SGMS1: variants seen among roughly 807,000 people sequenced by gnomAD.
SGMS1 encodes the protein phosphatidylcholine:ceramide cholinephosphotransferase 1.
A neutral mutation model predicts 46.2 loss-of-function variants in SGMS1; 13 were observed. The ratio of observed to expected loss-of-function variants is 0.28; its 90% CI spans 0.18 to 0.45. The LOEUF (loss-of-function observed/expected upper bound fraction) is 0.45. SGMS1 is among the 20% of genes least tolerant of loss of function. The probability of loss-of-function intolerance (pLI) is 1.00; values close to 1 mark genes in which losing one functional copy is unlikely to be tolerated. For synonymous variants in SGMS1, 203 were observed against 187.8 expected, an observed-to-expected ratio of 1.08 and a Z score of -0.66; for missense variants, 324 against 519.9, an observed-to-expected ratio of 0.62 and a Z score of 3.66.
At chr10:50,359,768 G>C (rs1848218097) in intron 6 of SGMS1, among the ~76,000 whole-genome samples, 1 of 151,610 alleles carries the variant, frequency 6.6e-6, no homozygotes, top group Non-Finnish European at 1.5e-5. Context: ...CCAAGCCTCT[G>C]CCACAGACTG....
intron 2 of SGMS1, among the ~76,000 whole-genome samples, chr10:50,552,331 C>T (rs1420079910): frequency 6.6e-6 from 1 of 152,236 alleles, no homozygotes; most frequent in African/African-American, 2.4e-5. Flanking sequence ...AGTAACTCAA[C>T]TCATGCTTCC....
At chr10:50,569,936 G>A (rs1838322825) in intron 2 of SGMS1, among the ~76,000 whole-genome samples, 1 of 152,110 alleles carries the variant, frequency 6.6e-6, no homozygotes, top group Admixed American at 6.6e-5. Flanking sequence ...CACCTAGCAG[G>A]CCACGGTGAC....
In SGMS1 at chr10:50,407,026, G is replaced by A. The variant is rs1228063043; in HGVS notation, c.-232+26450C>T. On this transcript the variant is annotated intron_variant, in intron 6 of 10. Transcript: ENST00000361781. Reference sequence around the variant, plus strand: ...GAACTACCTCACCTGGCCCTAATAAGTCTTAATATTAAACTTTCCTTGTTT... The same window carrying A: ...GAACTACCTCACCTGGCCCTAATAAATCTTAATATTAAACTTTCCTTGTTT... Among the ~76,000 whole-genome samples the A allele has an allele frequency of 2.6e-5, 4 of 152,232 alleles. No individual in the cohort carries two copies. The East Asian group carries it at 7.7e-4, about 29-fold the overall frequency.
At chr10:50,425,647 C>T (rs1054866316) in intron 6 of SGMS1, among the ~76,000 whole-genome samples, 7 of 152,120 alleles carry the variant, frequency 4.6e-5, no homozygotes, top group Non-Finnish European at 7.4e-5. Context: ...GTACTATGCT[C>T]GCTACCTGGA....
chr10:50,471,136 T>C (rs1230136709), intron 3 of SGMS1, among the ~76,000 whole-genome samples: 1 of 152,098 alleles, frequency 6.6e-6, no homozygotes, highest in Non-Finnish European at 1.5e-5. Flanking sequence ...AAAGCAAAAC[T>C]GGTAAAAGAC....
Position 50,307,407 on chromosome 10 carries a change from C to T in SGMS1, c.1063-86G>A. On this transcript the variant is annotated intron_variant, in intron 10 of 10. Coordinates refer to ENST00000361781, the MANE Select transcript of SGMS1 (RefSeq NM_147156.4). This position sits in a 1 kb window ranked among gnomAD's most constrained non-coding sequence, Gnocchi z 4.2. ...TTGCCACGCTAAAATTCCCAAAGGA[C>T]TCCATACCTGCCCTGCGTGTCCACC... 8.3e-7 allele frequency: 1 copy of T among 1,208,698 alleles called. No homozygotes were observed. Among genetic ancestry groups the T allele is most frequent in the East Asian group, 2.4e-5 (1 of 40,896 alleles). 74.9% of individuals were successfully genotyped at this position (1,208,698 alleles called of 1,614,324 possible).
chr10:50,596,583 C>T (rs1414082599), intron 1 of SGMS1, among the ~76,000 whole-genome samples: 1 of 152,138 alleles, frequency 6.6e-6, no homozygotes, highest in East Asian at 1.9e-4. Context: ...TTTACATAAA[C>T]ATTGGAGCTG....
intron 6 of SGMS1, among the ~76,000 whole-genome samples, chr10:50,382,887 G>A (rs953312803): frequency 2.0e-5 from 3 of 152,146 alleles, no homozygotes; most frequent in Non-Finnish European, 2.9e-5. Flanking sequence ...CTGATCCAAT[G>A]TCTTGGCAAA....
intron 1 of SGMS1, among the ~76,000 whole-genome samples, chr10:50,594,664 T>A (rs1366030439): frequency 6.6e-6 from 1 of 152,230 alleles, no homozygotes; most frequent in African/African-American, 2.4e-5. Flanking sequence ...AAATAGTAAT[T>A]TTTACAATTT....
intron 6 of SGMS1, among the ~76,000 whole-genome samples, chr10:50,411,294 C>T (rs1048087905): frequency 1.3e-5 from 2 of 152,198 alleles, no homozygotes; most frequent in African/African-American, 4.8e-5. Flanking sequence ...GATAATGAGG[C>T]ATATTGTTCC....
intron 6 of SGMS1, among the ~76,000 whole-genome samples, chr10:50,426,130 G>A (rs893995677): frequency 6.6e-6 from 1 of 152,132 alleles, no homozygotes; most frequent in Non-Finnish European, 1.5e-5. Flanking sequence ...GGATAAAAAT[G>A]ATTTAATGAA....
intron 6 of SGMS1, among the ~76,000 whole-genome samples, chr10:50,400,396 CATATATATAT>C (rs10524155): frequency 0.014 from 1,356 of 98,450 alleles, 31 homozygotes; most frequent in Admixed American, 0.018. Flanking sequence ...CACATCCTGG[CATATATATAT>C]ATATATATAT....
At chr10:50,529,431 T>G (rs1837933021) in intron 2 of SGMS1, among the ~76,000 whole-genome samples, 1 of 152,188 alleles carries the variant, frequency 6.6e-6, no homozygotes, top group South Asian at 2.1e-4. Flanking sequence ...TGGATGGATG[T>G]TCACACTCAG....
At chr10:50,398,574 G>T (rs1388535307) in intron 6 of SGMS1, among the ~76,000 whole-genome samples, 1 of 152,090 alleles carries the variant, frequency 6.6e-6, no homozygotes, top group Non-Finnish European at 1.5e-5. Flanking sequence ...ACTTCTCATG[G>T]GGGGAGGTTC....
rs143920802 is a variant in SGMS1, at chr10:50,519,052, G to A, written c.-498+779C>T. On this transcript the variant is annotated intron_variant, in intron 3 of 10. Transcript: ENST00000361781. Reference sequence around the variant, plus strand: ...TAACCAGAAAAATTAATTTACTACCGTTACATGCAACAAGTAAATCTTACA... The same window carrying A: ...TAACCAGAAAAATTAATTTACTACCATTACATGCAACAAGTAAATCTTACA... 2.6e-5 allele frequency among the ~76,000 whole-genome samples: 4 copies of A among 151,978 alleles called. No homozygotes were observed. In the East Asian group the frequency reaches 7.7e-4, roughly 29 times the overall value.
chr10:50,411,824 T>G (rs1849105098), intron 6 of SGMS1, among the ~76,000 whole-genome samples: 1 of 152,202 alleles, frequency 6.6e-6, no homozygotes, highest in Admixed American at 6.5e-5. Context: ...CCAATACTGC[T>G]TACCCAGCAA....
chr10:50,416,246 C>T (rs1167704036), intron 6 of SGMS1, among the ~76,000 whole-genome samples: 1 of 152,106 alleles, frequency 6.6e-6, no homozygotes, highest in East Asian at 1.9e-4. Flanking sequence ...GAAAAATAAC[C>T]AACCTTAAAT....
At chr10:50,329,590 C>T (rs987860832) in intron 7 of SGMS1, among the ~76,000 whole-genome samples, 1 of 152,206 alleles carries the variant, frequency 6.6e-6, no homozygotes, top group African/African-American at 2.4e-5. Context: ...CACTTCTGGG[C>T]GTTCACTTCC....
At chr10:50,388,660 A>G (rs1021941987) in intron 6 of SGMS1, among the ~76,000 whole-genome samples, 1 of 152,052 alleles carries the variant, frequency 6.6e-6, no homozygotes, top group Admixed American at 6.6e-5. Flanking sequence ...AGAGTGCCTC[A>G]CATATAGCGA....
Sources: allele counts gnomAD v4.1 joint callset (sites outside exome capture counted in the v4.1 genomes callset), GRCh38; gene constraint gnomAD v4.1.1; non-coding constraint Gnocchi (gnomAD v3.1); transcripts MANE v1.5; gene names NCBI Gene and HGNC (gene_info 2026-07-23, HGNC 2026-07-21).